The following DNAJC1 variants were observed in gnomAD, a reference collection of about 807,000 sequenced individuals.
DNAJC1 encodes dnaJ homolog subfamily C member 1.
A neutral mutation model predicts 76.6 loss-of-function variants in DNAJC1; 58 were observed. The ratio of observed to expected loss-of-function variants is 0.76; its 90% CI spans 0.61 to 0.94. DNAJC1 has a LOEUF of 0.94. Ranked by LOEUF, DNAJC1 falls within the 40% of genes least tolerant of loss-of-function variation. The pLI is 0.00. For missense variants in DNAJC1, 689 were observed against 677.3 expected, an observed-to-expected ratio of 1.02 and a Z score of -0.19; for synonymous variants, 258 against 267.9, an observed-to-expected ratio of 0.96 and a Z score of 0.36.
chr10:21,987,856 C>G (rs1045549963), intron 1 of DNAJC1, among the ~76,000 whole-genome samples: 2 of 152,144 alleles, frequency 1.3e-5, no homozygotes, highest in Non-Finnish European at 2.9e-5. Flanking sequence ...ACCAGTCCCA[C>G]AATTCAAACT....
intron 3 of DNAJC1, among the ~76,000 whole-genome samples, chr10:21,927,422 C>T (rs548542525): frequency 1.3e-5 from 2 of 152,222 alleles, no homozygotes; most frequent in South Asian, 4.2e-4. Flanking sequence ...TGTATTACCC[C>T]CCTAGTGAAG....
At chr10:21,761,465 A>G (rs1487677610) in intron 10 of DNAJC1, among the ~76,000 whole-genome samples, 2 of 151,228 alleles carry the variant, frequency 1.3e-5, no homozygotes, top group Non-Finnish European at 2.9e-5. Flanking sequence ...AGGCCGAGGC[A>G]GGAGAATCGC....
intron 8 of DNAJC1, among the ~76,000 whole-genome samples, chr10:21,843,302 C>G (rs1186660204): frequency 6.6e-6 from 1 of 151,722 alleles, no homozygotes; most frequent in African/African-American, 2.4e-5. Context: ...AGGTAAAGAG[C>G]TAATTTTTAA....
At chr10:21,938,938 TGGAGTGCAGTCGTGTGACCTCA>T (rs1453483780) in intron 1 of DNAJC1, among the ~76,000 whole-genome samples, 1 of 152,224 alleles carries the variant, frequency 6.6e-6, no homozygotes, top group African/African-American at 2.4e-5. Flanking sequence ...GTGGCCAGGC[TGGAGTGCAGTCGTGTGACCTCA>T]GTTCACTGCA....
At chr10:21,758,275 G>A (rs936046683) in intron 11 of DNAJC1, among the ~76,000 whole-genome samples, 15 of 152,326 alleles carry the variant, frequency 9.8e-5, no homozygotes, top group Middle Eastern at 3.4e-3. Flanking sequence ...CACAGACAGC[G>A]GAAGAGATCG....
intron 9 of DNAJC1, among the ~76,000 whole-genome samples, chr10:21,792,604 A>C (rs1834703294): frequency 6.6e-6 from 1 of 151,942 alleles, no homozygotes; most frequent in Admixed American, 6.6e-5. Flanking sequence ...TGAAAATACA[A>C]AAAAGTTAGC....
chr10:21,892,181 A>C (rs1465117960), intron 7 of DNAJC1, among the ~76,000 whole-genome samples: 1 of 152,108 alleles, frequency 6.6e-6, no homozygotes, highest in Non-Finnish European at 1.5e-5. Flanking sequence ...ATTAAAAATA[A>C]ATTCAAGTGG....
At chr10:21,785,763 A>G (rs141023287) in intron 9 of DNAJC1, among the ~76,000 whole-genome samples, 1 of 152,138 alleles carries the variant, frequency 6.6e-6, no homozygotes, top group Non-Finnish European at 1.5e-5. Context: ...AATCTGGAAG[A>G]GAGAAAGTGA....
intron 8 of DNAJC1, among the ~76,000 whole-genome samples, chr10:21,822,438 CAAAT>C (rs766969887): frequency 3.5e-5 from 1 of 28,396 alleles, no homozygotes; most frequent in Admixed American, 2.9e-4. Context: ...GACTCCGACT[CAAAT>C]AAATAAATAA....
At position 22,003,477 on chromosome 10, in the gene DNAJC1, G is replaced by T; in HGVS notation, c.-43C>A. The T allele has an allele frequency of 7.5e-7, 1 of 1,325,448 alleles. No homozygotes were observed. 82.1% of individuals were successfully genotyped at this position (1,325,448 alleles called of 1,614,324 possible). A position where few individuals can be genotyped will look rare whatever the true frequency, so the allele number is the denominator to read the frequency against. ...GGTCACCCGCCGCGCAGCTCCGTTGGCCGAGAGCTGGGACGTGGCGGGCGG... is the reference window on the plus strand; with the variant it reads ...GGTCACCCGCCGCGCAGCTCCGTTGTCCGAGAGCTGGGACGTGGCGGGCGG... On this transcript the variant is annotated 5_prime_UTR_variant, in exon 1 of 12. Transcript: ENST00000376980.
chr10:21,944,910 A>G (rs1837479046), intron 1 of DNAJC1, among the ~76,000 whole-genome samples: 1 of 152,188 alleles, frequency 6.6e-6, no homozygotes, highest in Non-Finnish European at 1.5e-5. Context: ...CAGAAATAGG[A>G]AAACACTGGA....
intron 3 of DNAJC1, among the ~76,000 whole-genome samples, chr10:21,922,245 G>A (rs2131772653): frequency 6.6e-6 from 1 of 151,992 alleles, no homozygotes; most frequent in East Asian, 1.9e-4. Flanking sequence ...TTGATACCTT[G>A]GAGATATGCT....
At position 21,898,476 on chromosome 10, in the gene DNAJC1, T is replaced by A. The variant is rs569641480; in HGVS notation, c.820+6046A>T. 3.1e-4 allele frequency among the ~76,000 whole-genome samples: 47 copies of A among 152,242 alleles called. No homozygotes were observed. The South Asian group carries it at 9.7e-3, about 32-fold the overall frequency. Reference sequence around the variant, plus strand: ...CCAGTTATATAAAAGTATAGCACATTCAATTGTGCACAGTATATAACACTT... The same window carrying A: ...CCAGTTATATAAAAGTATAGCACATACAATTGTGCACAGTATATAACACTT... On this transcript the variant is annotated intron_variant, in intron 7 of 11. Transcript: ENST00000376980.
intron 9 of DNAJC1, among the ~76,000 whole-genome samples, chr10:21,803,006 G>C (rs1834830603): frequency 6.6e-6 from 1 of 151,932 alleles, no homozygotes; most frequent in Non-Finnish European, 1.5e-5. Context: ...AATATACTCG[G>C]TGTCAATTTT....
intron 6 of DNAJC1, among the ~76,000 whole-genome samples, chr10:21,916,079 T>C (rs1036298209): frequency 1.3e-5 from 2 of 152,158 alleles, no homozygotes; most frequent in African/African-American, 4.8e-5. Context: ...TCTACAAAGA[T>C]TATACAATTA....
chr10:21,865,592 G>A (rs1212392048), intron 8 of DNAJC1: 7 of 152,052 alleles, frequency 4.6e-5, no homozygotes, highest in East Asian at 3.9e-4. Context: ...ATTACAAAGG[G>A]TTGTAAAGAC....
At chr10:21,763,658 A>G (rs1834265743) in intron 10 of DNAJC1, among the ~76,000 whole-genome samples, 1 of 151,968 alleles carries the variant, frequency 6.6e-6, no homozygotes, top group Admixed American at 6.6e-5. Flanking sequence ...AAATTCAAAA[A>G]CTTTTAAAAG....
Position 21,919,821 on chromosome 10 carries a change from T to C in DNAJC1, c.635+11A>G. ...AGCTTCAAATTATAAAGTATTTTTA[T>C]ATGCTCTCACCTTTCATTTTTTTCT... On this transcript the variant is annotated intron_variant, in intron 5 of 11. Coordinates refer to ENST00000376980, the MANE Select transcript of DNAJC1 (RefSeq NM_022365.4). The C allele has an allele frequency of 6.4e-7, 1 of 1,574,228 alleles. No individual in the cohort carries two copies. Among genetic ancestry groups the C allele is most frequent in the Non-Finnish European group, 8.6e-7 (1 of 1,156,592 alleles).
At chr10:21,826,247 A>AAAAAAAAAAAAAAAAG (rs1435710592) in intron 8 of DNAJC1, among the ~76,000 whole-genome samples, 5 of 151,188 alleles carry the variant, frequency 3.3e-5, no homozygotes, top group African/African-American at 9.7e-5. Context: ...CAAAAAAAAA[A>AAAAAAAAAAAAAAAAG]AAGAAGAAGA....
Sources: gnomAD v4.1 joint callset for allele counts (sites outside exome capture counted in the v4.1 genomes callset) on GRCh38, gnomAD v4.1.1 for gene constraint, MANE v1.5 for transcripts, NCBI Gene and HGNC (gene_info 2026-07-23, HGNC 2026-07-21) for gene names.